Variants in VPS26B observed in about 807,000 individuals in gnomAD.
VPS26B encodes vacuolar protein sorting-associated protein 26B.
In VPS26B, 10 loss-of-function variants were observed where a neutral mutation model predicts 33.3. The observed-to-expected ratio is 0.30, with a 90% confidence interval of 0.19 to 0.51. The LOEUF is 0.51. Ranked by LOEUF, VPS26B falls within the 20% of genes least tolerant of loss-of-function variation. The probability of loss-of-function intolerance (pLI) is 0.98; values close to 1 mark genes in which losing one functional copy is unlikely to be tolerated. For synonymous variants in VPS26B, 190 were observed against 176.9 expected, an observed-to-expected ratio of 1.07 and a Z score of -0.59; for missense variants, 317 against 452.7, an observed-to-expected ratio of 0.70 and a Z score of 2.72.
chr11:134,227,067 G>A (rs1565566510), intron 1 of VPS26B, among the ~76,000 whole-genome samples: 2 of 152,246 alleles, frequency 1.3e-5, no homozygotes, highest in Admixed American at 6.5e-5. Flanking sequence ...GTCTGGCATC[G>A]TTTGGCATGT....
rs1311513173 is a variant in VPS26B at position 134,243,566 on chromosome 11, C to T, written c.721+272C>T. On this transcript the variant is annotated intron_variant, in intron 4 of 5. Transcript: ENST00000281187. ...CTTGTACTGAAGATTGAACCTCAAG[C>T]GTCACTTTGGAAGGTCCAGGTTTAG... 1.8e-5 allele frequency: 7 copies of T among 395,600 alleles called. No individual in the cohort carries two copies. The South Asian group carries it at 2.3e-4, about 13-fold the overall frequency. The allele number at this position is 395,600 out of a possible 1,614,324, so 24.5% of individuals were successfully genotyped here.
chr11:134,241,642 G>A (rs71486995), intron 3 of VPS26B, among the ~76,000 whole-genome samples: 7,846 of 152,276 alleles, frequency 0.052, 252 homozygotes, highest in African/African-American at 0.092. Flanking sequence ...TGTGCCACCC[G>A]TAGGAGCTCA....
intron 1 of VPS26B, among the ~76,000 whole-genome samples, chr11:134,232,205 G>GTC (rs879361240): frequency 0.56 from 84,955 of 151,886 alleles, 26,617 homozygotes; most frequent in South Asian, 0.74. Context: ...AAGAATGAAA[G>GTC]ATGACGCGTG....
At chr11:134,225,454 T>C (rs752838567) in intron 1 of VPS26B, 109 bp downstream of exon 1, 2 of 1,119,520 alleles carry the variant, frequency 1.8e-6, no homozygotes, top group South Asian at 2.6e-5. Context: ...GCTTGTCAAC[T>C]GCAGTCTGAG....
chr11:134,231,568 CTTTT>C (rs1410570963), intron 1 of VPS26B, among the ~76,000 whole-genome samples: 1 of 141,456 alleles, frequency 7.1e-6, no homozygotes. Context: ...CTTTGGAGGG[CTTTT>C]TTTTTTTTTT....
At chr11:134,238,979 A>G (rs965226335) in intron 2 of VPS26B, among the ~76,000 whole-genome samples, 3 of 152,224 alleles carry the variant, frequency 2.0e-5, no homozygotes, top group Non-Finnish European at 2.9e-5. Flanking sequence ...AATTTATTAT[A>G]TTACATTAGA....
At position 134,245,888 on chromosome 11, in the gene VPS26B, G is replaced by C; in HGVS notation, c.*298G>C. On this transcript the variant is annotated 3_prime_UTR_variant, in exon 6 of 6. Transcript: ENST00000281187. This position sits in a 1 kb window ranked among gnomAD's most constrained non-coding sequence, Gnocchi z 4.7. Reference sequence around the variant, plus strand: ...TCGGGGGGCTGCCTTGCGTCTTAGAGGAGGGAGAGCAGAGAGCACGCATCC... The same window carrying C: ...TCGGGGGGCTGCCTTGCGTCTTAGACGAGGGAGAGCAGAGAGCACGCATCC... The C allele has an allele frequency of 2.6e-6, 1 of 383,598 alleles. No homozygotes were observed. Among genetic ancestry groups the C allele is most frequent in the Non-Finnish European group, 4.9e-6 (1 of 206,010 alleles). 23.8% of individuals were successfully genotyped at this position (383,598 alleles called of 1,614,324 possible). A position where few individuals can be genotyped will look rare whatever the true frequency, so the allele number is the denominator to read the frequency against.
At chr11:134,228,069 G>T (rs1245345189) in intron 1 of VPS26B, among the ~76,000 whole-genome samples, 1 of 152,234 alleles carries the variant, frequency 6.6e-6, no homozygotes, top group Non-Finnish European at 1.5e-5. Flanking sequence ...GTTACGTGAG[G>T]ACATGGAAGT....
chr11:134,244,927 T>A lies in VPS26B; in HGVS notation c.722-11T>A. The A allele has an allele frequency of 6.2e-7, 1 of 1,610,386 alleles. No individual in the cohort carries two copies. The highest frequency in any genetic ancestry group is 8.5e-7 in the Non-Finnish European group (1 of 1,179,444). ...TTGCCCCCTGTGCTGACTCCTGCCC[T>A]CCCCCTACAGGAGAGTCCATCCCGA... On this transcript the variant is annotated splice_polypyrimidine_tract_variant and intron_variant, in intron 4 of 5. Transcript: ENST00000281187. The surrounding 1 kb of genome is among the most constrained non-coding windows in gnomAD (Gnocchi z 4.0).
In VPS26B at chr11:134,245,053, G is replaced by C. The variant is rs1555057911; in HGVS notation, c.837G>C (p.Glu279Asp). Residue 279 changes from glutamate (E) to aspartate (D), a missense_variant, in exon 5 of 6, where the codon GAG becomes GAC. Coordinates refer to ENST00000281187, the MANE Select transcript of VPS26B (RefSeq NM_052875.5). This position sits in a 1 kb window ranked among gnomAD's most constrained non-coding sequence, Gnocchi z 4.7. ...RYYLNLVLID[E>D]EERRYFKQQE... is the part of the protein sequence containing the mutation. The stretch of plus-strand genomic sequence containing the variant: ...ACCTCAACCTGGTGCTGATAGACGA[G>C]GAGGAGCGGCGCTACTTCAAGCAGC... The C allele has an allele frequency of 6.2e-7, 1 of 1,614,062 alleles. No homozygotes were observed. The highest frequency in any genetic ancestry group is 1.7e-5 in the Admixed American group (1 of 60,012).
At chr11:134,233,717 T>A (rs1938591757) in intron 1 of VPS26B, among the ~76,000 whole-genome samples, 1 of 126,906 alleles carries the variant, frequency 7.9e-6, no homozygotes, top group Non-Finnish European at 1.7e-5. Context: ...AGAGCGAGAC[T>A]CTGTCTCAAA....
In VPS26B at chr11:134,245,424, C is replaced by T. The variant is rs929535768; in HGVS notation, c.865-20C>T. The T allele has an allele frequency of 1.2e-6, 2 of 1,613,668 alleles. No individual in the cohort carries two copies. The highest frequency in any genetic ancestry group is 1.3e-5 in the African/African-American group (1 of 75,038). On this transcript the variant is annotated intron_variant, in intron 5 of 5. Coordinates refer to ENST00000281187, the MANE Select transcript of VPS26B (RefSeq NM_052875.5). This position sits in a 1 kb window ranked among gnomAD's most constrained non-coding sequence, Gnocchi z 4.7. ...TGCCTCCCTCTAAGGTGTCACATTG[C>T]CCCCCTTTCAATTCTGCAGGAAGTG...
At position 134,244,931 on chromosome 11, in the gene VPS26B, C is replaced by G. The variant is rs748557691; in HGVS notation, c.722-7C>G. ...CCCCTGTGCTGACTCCTGCCCTCCC[C>G]CTACAGGAGAGTCCATCCCGATCCG... On this transcript the variant is annotated splice_region_variant and splice_polypyrimidine_tract_variant and intron_variant, in intron 4 of 5. Transcript: ENST00000281187. The surrounding 1 kb of genome is among the most constrained non-coding windows in gnomAD (Gnocchi z 4.0). 26 of 1,611,780 alleles carry G rather than the reference C, an allele frequency of 1.6e-5. 1 individual carries two copies. The South Asian group carries it at 2.0e-4, about 12-fold the overall frequency.
intron 1 of VPS26B, 86 bp from the exon 2 acceptor site, chr11:134,234,811 C>G: frequency 6.5e-7 from 1 of 1,530,186 alleles, no homozygotes; most frequent in Non-Finnish European, 8.8e-7. Flanking sequence ...AGCAGTCCCT[C>G]CAGCCTACAG....
chr11:134,233,921 T>C (rs1938595594), intron 1 of VPS26B, among the ~76,000 whole-genome samples: 1 of 150,832 alleles, frequency 6.6e-6, no homozygotes, highest in Non-Finnish European at 1.5e-5. Flanking sequence ...TGGCATGAAC[T>C]TATCATCAAA....
intron 1 of VPS26B, among the ~76,000 whole-genome samples, chr11:134,230,605 G>A (rs11223731): frequency 0.19 from 29,329 of 152,166 alleles, 3,402 homozygotes; most frequent in South Asian, 0.37. Context: ...AAGTATTAAA[G>A]CTGATGTCAG....
At chr11:134,243,320 C>CT (rs1372922699) in intron 4 of VPS26B, 26 bp downstream of exon 4, 9 of 1,612,494 alleles carry the variant, frequency 5.6e-6, no homozygotes, top group African/African-American at 1.3e-5. Context: ...CAGGCCTCGG[C>CT]TACCACAGCT....
intron 3 of VPS26B, among the ~76,000 whole-genome samples, chr11:134,242,354 T>C (rs1269189112): frequency 6.6e-6 from 1 of 152,224 alleles, no homozygotes; most frequent in Non-Finnish European, 1.5e-5. Flanking sequence ...AAGAGAACAT[T>C]ATCTCTTTTC....
chr11:134,243,282 G>A lies in VPS26B; in HGVS notation c.709G>A (p.Ala237Thr), dbSNP rs898962728. 1.2e-6 allele frequency: 2 copies of A among 1,613,848 alleles called. No homozygotes were observed. Among genetic ancestry groups the A allele is most frequent in the Non-Finnish European group, 1.7e-6 (2 of 1,179,922 alleles). Residue 237 changes from alanine to threonine, a missense_variant, in exon 4 of 6, where the codon GCA becomes ACA. Coordinates refer to ENST00000281187, the MANE Select transcript of VPS26B (RefSeq NM_052875.5). ...AGCCAAGTACGAGATCATGGACGGG[G>A]CACCAGTGCGAGGTGAGACTCCAGG... is the stretch of plus-strand genomic sequence containing the variant. ...TIAKYEIMDG[A>T]PVRGESIPIR...
Sources: gnomAD v4.1 joint callset for allele counts (sites outside exome capture counted in the v4.1 genomes callset) on GRCh38, gnomAD v4.1.1 for gene constraint, Gnocchi (gnomAD v3.1) non-coding constraint, MANE v1.5 for transcripts, NCBI Gene and HGNC (gene_info 2026-07-23, HGNC 2026-07-21) for gene names.